Variants in PLA2R1 observed in about 807,000 individuals in gnomAD.
The protein encoded by PLA2R1 is secretory phospholipase A2 receptor.
In PLA2R1, 158 loss-of-function variants were observed where a neutral mutation model predicts 195.9. That is an observed-to-expected ratio of 0.81 (90% CI 0.71 to 0.92). PLA2R1 has a LOEUF of 0.92. Ranked by LOEUF, PLA2R1 falls within the 40% of genes least tolerant of loss-of-function variation. PLA2R1 has a pLI of 0.00. For missense variants in PLA2R1, 1,626 were observed against 1,764.6 expected, an observed-to-expected ratio of 0.92 and a Z score of 1.41; for synonymous variants, 586 against 598.2, an observed-to-expected ratio of 0.98 and a Z score of 0.30.
At chr2:160,031,214 C>A (rs768680975) in intron 4 of PLA2R1, among the ~76,000 whole-genome samples, 34 of 152,288 alleles carry the variant, frequency 2.2e-4, no homozygotes, top group Admixed American at 4.6e-4. Flanking sequence ...CTTCTGCAAA[C>A]TTATAGAGAA....
intron 11 of PLA2R1, among the ~76,000 whole-genome samples, chr2:160,003,277 C>G (rs1031599808): frequency 7.3e-5 from 11 of 151,480 alleles, no homozygotes; most frequent in African/African-American, 2.4e-4. Flanking sequence ...TTGAGCAAAG[C>G]CTTTAGAAAA....
chr2:160,021,160 C>T (rs943753404), intron 7 of PLA2R1, among the ~76,000 whole-genome samples: 5 of 152,128 alleles, frequency 3.3e-5, no homozygotes, highest in African/African-American at 1.2e-4. Flanking sequence ...AAAAGGAACA[C>T]TTATACACTA....
intron 1 of PLA2R1, among the ~76,000 whole-genome samples, chr2:160,049,778 A>G (rs1426874359): frequency 6.6e-6 from 1 of 152,198 alleles, no homozygotes; most frequent in East Asian, 1.9e-4. Flanking sequence ...GTGAGCCAAG[A>G]TCATGCCACT....
rs148976880 is a variant in PLA2R1 at position 159,958,355 on chromosome 2, C to T, written c.2905-1728G>A. Among the ~76,000 whole-genome samples, 173 of 152,166 alleles carry T rather than the reference C, an allele frequency of 1.1e-3. No homozygotes were observed. In the Middle Eastern group the frequency reaches 0.051, roughly 45 times the overall value. On this transcript the variant is annotated intron_variant, in intron 20 of 29. Transcript: ENST00000283243. ...TGAGGCCCTCACCAGTAGCAGGTGC[C>T]GGCACCATGCTTCTTGTACAGCCTG...
chr2:160,020,588 T>C (rs1229305600), intron 7 of PLA2R1, among the ~76,000 whole-genome samples: 1 of 152,090 alleles, frequency 6.6e-6, no homozygotes, highest in Non-Finnish European at 1.5e-5. Context: ...GATTAACTAG[T>C]TCTCATGGGA....
chr2:159,956,982 A>G (rs1348804759), intron 20 of PLA2R1, among the ~76,000 whole-genome samples: 1 of 152,142 alleles, frequency 6.6e-6, no homozygotes, highest in African/African-American at 2.4e-5. Flanking sequence ...CTAAAAAAAA[A>G]AAAACAAAAA....
At chr2:159,977,004 A>G (rs1362943594) in intron 15 of PLA2R1, among the ~76,000 whole-genome samples, 1 of 152,200 alleles carries the variant, frequency 6.6e-6, no homozygotes, top group Admixed American at 6.5e-5. Flanking sequence ...AAGTAATTCC[A>G]TTTGCTCTGT....
chr2:159,967,514 G>A, intron 20 of PLA2R1, 25 bp downstream of exon 20: 2 of 1,600,054 alleles, frequency 1.2e-6, no homozygotes, highest in Non-Finnish European at 1.7e-6. Flanking sequence ...GAGAAACAAA[G>A]GCAACTTTTG....
Position 160,028,345 on chromosome 2 carries a change from T to G in PLA2R1, c.972A>C (p.Pro324=). Residue 324 remains proline (P), a synonymous_variant, in exon 6 of 30, where the codon CCA becomes CCC. Transcript: ENST00000283243. Reference sequence around the variant, plus strand: ...ATGTTCCACAGTGATCTTCAACAAATGGCTCAAAATTTACCTCTGAAAATA... The same window carrying G: ...ATGTTCCACAGTGATCTTCAACAAAGGGCTCAAAATTTACCTCTGAAAATA... The part of the protein sequence containing the change: ...LNWSPEVNFE[P]FVEDHCGTFS... 1 of 1,608,582 alleles carries G rather than the reference T, an allele frequency of 6.2e-7. No homozygotes were observed. The highest frequency in any genetic ancestry group is 8.5e-7 in the Non-Finnish European group (1 of 1,176,620).
chr2:160,045,451 G>A (rs59560069), intron 1 of PLA2R1, among the ~76,000 whole-genome samples: 5,643 of 152,286 alleles, frequency 0.037, 317 homozygotes, highest in African/African-American at 0.12. Flanking sequence ...GTTACTGACA[G>A]AGAAGGTGTG....
Position 160,020,227 on chromosome 2 carries a change from T to C in PLA2R1, c.1331A>G (p.Asn444Ser), listed in dbSNP as rs755624958. 2.4e-5 allele frequency: 39 copies of C among 1,611,616 alleles called. No homozygotes were observed. Among genetic ancestry groups the C allele is most frequent in the Admixed American group, 3.3e-5 (2 of 59,940 alleles). The change falls in exon 8 of 30, where the codon AAT (asparagine) becomes AGT (serine). Residue 444 changes from asparagine to serine, a missense_variant. By Grantham distance (46) the Asn-to-Ser change is conservative. Transcript: ENST00000283243. ...CCATTCAAAGGAAACTGGAATTTTATTGCTGCTCAAACCAATCCATGTTTC... is the reference window on the plus strand; with the variant it reads ...CCATTCAAAGGAAACTGGAATTTTACTGCTGCTCAAACCAATCCATGTTTC... Reference protein sequence around the residue: ...ASETWIGLSSNKIPVSFEWSN... With the variant: ...ASETWIGLSSSKIPVSFEWSN...
intron 3 of PLA2R1, among the ~76,000 whole-genome samples, chr2:160,041,591 TG>T (rs1694523062): frequency 6.6e-6 from 1 of 152,016 alleles, no homozygotes; most frequent in Non-Finnish European, 1.5e-5. Flanking sequence ...AGCTGGTGCC[TG>T]GGCTTGACAA....
chr2:160,026,433 A>G (rs1693527599), intron 6 of PLA2R1, among the ~76,000 whole-genome samples: 1 of 152,178 alleles, frequency 6.6e-6, no homozygotes, highest in Non-Finnish European at 1.5e-5. Context: ...GGGGATGACA[A>G]ATAGGTTTCA....
intron 2 of PLA2R1, among the ~76,000 whole-genome samples, chr2:160,043,921 G>A (rs1045665803): frequency 6.6e-6 from 1 of 152,172 alleles, no homozygotes; most frequent in South Asian, 2.1e-4. Flanking sequence ...CTACAGAGCA[G>A]CACGAGGGTA....
intron 11 of PLA2R1, among the ~76,000 whole-genome samples, chr2:160,001,416 G>T (rs1193664975): frequency 6.6e-6 from 1 of 151,766 alleles, no homozygotes; most frequent in Non-Finnish European, 1.5e-5. Flanking sequence ...AAAAATGCAG[G>T]ATAAATGGAA....
At position 159,932,861 on chromosome 2, in the gene PLA2R1, G is replaced by A. The variant is rs1686645338; in HGVS notation, c.*8917C>T. 1 of 151,994 alleles carries A rather than the reference G, an allele frequency of 6.6e-6. No homozygotes were observed. Among genetic ancestry groups the A allele is most frequent in the Non-Finnish European group, 1.5e-5 (1 of 68,018 alleles). 9.4% of individuals were successfully genotyped at this position (151,994 alleles called of 1,614,324 possible). A position where few individuals can be genotyped will look rare whatever the true frequency, so the allele number is the denominator to read the frequency against. On this transcript the variant is annotated 3_prime_UTR_variant, in exon 30 of 30. Transcript: ENST00000283243. ...AATATATTTATTTGAAAAATATCCA[G>A]GAACATATACATTGGATCTAATATA...
chr2:160,054,447 T>C (rs56293836), intron 1 of PLA2R1, among the ~76,000 whole-genome samples: 45,965 of 152,106 alleles, frequency 0.3, 8,747 homozygotes, highest in Non-Finnish European at 0.42. Context: ...AAAATGTGTA[T>C]AGTTAAATAA....
chr2:160,035,460 C>T (rs546043474), intron 3 of PLA2R1, among the ~76,000 whole-genome samples: 1 of 152,300 alleles, frequency 6.6e-6, no homozygotes, highest in Non-Finnish European at 1.5e-5. Context: ...TGAAGGGTCA[C>T]CCCAGCTTGA....
rs77580949 is a variant in PLA2R1, at chr2:159,943,664, C to T, written c.4144+1242G>A. Reference sequence around the variant, plus strand: ...GCTCCACTACCTTGGAAAGCTGCTGCGAAGGATGAAACAGGTGTCATCTGC... The same window carrying T: ...GCTCCACTACCTTGGAAAGCTGCTGTGAAGGATGAAACAGGTGTCATCTGC... On this transcript the variant is annotated intron_variant, in intron 28 of 29. Coordinates refer to ENST00000283243, the MANE Select transcript of PLA2R1 (RefSeq NM_007366.5). 4.4e-4 allele frequency among the ~76,000 whole-genome samples: 67 copies of T among 152,190 alleles called. No individual in the cohort carries two copies. The East Asian group carries it at 9.8e-3, about 22-fold the overall frequency.
Sources: allele counts gnomAD v4.1 joint callset (sites outside exome capture counted in the v4.1 genomes callset), GRCh38; gene constraint gnomAD v4.1.1; transcripts MANE v1.5; gene names NCBI Gene and HGNC (gene_info 2026-07-23, HGNC 2026-07-21).